The following PPP3CA variants were observed in gnomAD, a reference collection of about 807,000 sequenced individuals.
PPP3CA encodes protein phosphatase 3 catalytic subunit alpha.
A neutral mutation model predicts 66.5 loss-of-function variants in PPP3CA; 14 were observed. The ratio of observed to expected loss-of-function variants is 0.21; its 90% CI spans 0.14 to 0.33. PPP3CA has a LOEUF of 0.33. Ranked by LOEUF, PPP3CA falls within the 10% of genes least tolerant of loss-of-function variation. The pLI, the probability that PPP3CA is intolerant of heterozygous loss-of-function variation, is 1.00. For synonymous variants in PPP3CA, 232 were observed against 226.2 expected (o/e 1.03, Z -0.23); for missense variants, 317 against 639.5 (o/e 0.50, Z 5.44).
At chr4:101,121,525 G>C (rs1722030156) in intron 2 of PPP3CA, among the ~76,000 whole-genome samples, 1 of 151,920 alleles carries the variant, frequency 6.6e-6, no homozygotes, top group Non-Finnish European at 1.5e-5. Flanking sequence ...TTTCCCTACA[G>C]TTATATTGTA....
chr4:101,028,636 A>G (rs1726778825), intron 13 of PPP3CA, among the ~76,000 whole-genome samples: 1 of 152,230 alleles, frequency 6.6e-6, no homozygotes, highest in Non-Finnish European at 1.5e-5. Flanking sequence ...TAAGATTACC[A>G]GAACTGTTCA....
chr4:101,275,488 T>C (rs918227886), intron 1 of PPP3CA, among the ~76,000 whole-genome samples: 2 of 152,176 alleles, frequency 1.3e-5, no homozygotes, highest in Non-Finnish European at 2.9e-5. Context: ...GCATAAAAGA[T>C]ATAAGGCTAG....
intron 7 of PPP3CA, among the ~76,000 whole-genome samples, chr4:101,080,922 T>A (rs552798775): frequency 3.3e-5 from 5 of 152,242 alleles, no homozygotes; most frequent in African/African-American, 2.4e-5. Context: ...TTCATTTCCA[T>A]GTGTTCAACA....
chr4:101,093,804 T>C lies in PPP3CA; in HGVS notation c.754A>G (p.Thr252Ala). The change falls in exon 6 of 14, where the codon ACA becomes GCA. Residue 252 changes from threonine (T) to alanine (A), a missense_variant. This residue lies in a region of PPP3CA where 201 missense variants were observed against 501.4 expected (regional missense o/e 0.40). Coordinates refer to ENST00000394854, the MANE Select transcript of PPP3CA (RefSeq NM_000944.5). ...TAGAAGTATGAACACCCCCTGACTG[T>C]GTTGTGAGTGAAATGTTCCTGAGTC... ...EKTQEHFTHN[T>A]VRGCSYFYSY... The C allele has an allele frequency of 6.2e-7, 1 of 1,613,168 alleles. No homozygotes were observed. The highest frequency in any genetic ancestry group is 8.5e-7 in the Non-Finnish European group (1 of 1,179,444).
intron 1 of PPP3CA, among the ~76,000 whole-genome samples, chr4:101,346,401 G>A (rs1314204127): frequency 1.3e-5 from 2 of 151,880 alleles, no homozygotes; most frequent in Non-Finnish European, 2.9e-5. Context: ...TCCTATTTCT[G>A]TCACAGCAGC....
At chr4:101,226,927 A>G (rs944800129) in intron 1 of PPP3CA, among the ~76,000 whole-genome samples, 2 of 151,668 alleles carry the variant, frequency 1.3e-5, no homozygotes, top group Non-Finnish European at 3.0e-5. Flanking sequence ...TCCATGGTTC[A>G]GGATAATTAT....
intron 1 of PPP3CA, among the ~76,000 whole-genome samples, chr4:101,279,310 G>T (rs1727607867): frequency 6.6e-6 from 1 of 152,162 alleles, no homozygotes. Context: ...AAACAAGTTT[G>T]GGGTAGCTTA....
intron 6 of PPP3CA, among the ~76,000 whole-genome samples, chr4:101,093,176 G>A (rs1367399285): frequency 6.6e-6 from 1 of 152,118 alleles, no homozygotes; most frequent in Non-Finnish European, 1.5e-5. Context: ...TCTTATTGTG[G>A]TTTTGATTTG....
intron 2 of PPP3CA, among the ~76,000 whole-genome samples, chr4:101,190,676 T>C (rs1027408947): frequency 6.6e-6 from 1 of 152,232 alleles, no homozygotes; most frequent in East Asian, 1.9e-4. Context: ...CAACTTTCTA[T>C]AGTAAACTCC....
At chr4:101,242,439 C>CAAGTCCTAAGTCCTA (rs1726340810) in intron 1 of PPP3CA, among the ~76,000 whole-genome samples, 1 of 151,720 alleles carries the variant, frequency 6.6e-6, no homozygotes. Flanking sequence ...TAAGGAGAAA[C>CAAGTCCTAAGTCCTA]AGGAAGGGTC....
intron 2 of PPP3CA, among the ~76,000 whole-genome samples, chr4:101,182,941 C>T (rs547777611): frequency 1.1e-4 from 17 of 152,206 alleles, no homozygotes; most frequent in Admixed American, 5.9e-4. Flanking sequence ...CTTTCCACCA[C>T]GATTGTGAGG....
chr4:101,108,758 G>A (rs529523837), intron 3 of PPP3CA, among the ~76,000 whole-genome samples, 196 bp downstream of exon 3: 39 of 152,324 alleles, frequency 2.6e-4, no homozygotes, highest in African/African-American at 9.4e-4. Flanking sequence ...GACAGAGTGA[G>A]ACTCCGTCTC....
intron 2 of PPP3CA, among the ~76,000 whole-genome samples, chr4:101,153,223 A>C (rs1723200667): frequency 6.6e-6 from 1 of 152,118 alleles, no homozygotes; most frequent in Non-Finnish European, 1.5e-5. Context: ...TATGTGCAGA[A>C]ACTCTGTGTG....
intron 9 of PPP3CA, 56 bp downstream of exon 9, chr4:101,063,176 C>CGGAG (rs1352786404): frequency 2.5e-6 from 4 of 1,573,198 alleles, no homozygotes; most frequent in Non-Finnish European, 3.5e-6. Context: ...GTTTAATCTC[C>CGGAG]TTTCCTTCCT....
At chr4:101,165,234 T>C (rs184831495) in intron 2 of PPP3CA, among the ~76,000 whole-genome samples, 1 of 152,322 alleles carries the variant, frequency 6.6e-6, no homozygotes, top group Non-Finnish European at 1.5e-5. Flanking sequence ...ATGTAAGGGA[T>C]ACTGCACATG....
chr4:101,090,674 T>A (rs1729878783), intron 6 of PPP3CA, among the ~76,000 whole-genome samples: 1 of 148,172 alleles, frequency 6.7e-6, no homozygotes, highest in South Asian at 2.1e-4. Flanking sequence ...GGATGTTTAA[T>A]GAGACGAAAT....
chr4:101,029,347 TAAAAAAAAAAA>T, intron 12 of PPP3CA, 152 bp from the exon 13 acceptor site: 1 of 74,376 alleles, frequency 1.3e-5, no homozygotes, highest in Non-Finnish European at 2.2e-5. Context: ...ACAGAAATGC[TAAAAAAAAAAA>T]AAAAAAAAAA....
intron 2 of PPP3CA, among the ~76,000 whole-genome samples, chr4:101,132,211 ACAAATT>A (rs1722466132): frequency 6.6e-6 from 1 of 152,210 alleles, no homozygotes; most frequent in South Asian, 2.1e-4. Flanking sequence ...GCAAGAGCAA[ACAAATT>A]CAAAAGCTAG....
chr4:101,026,058 A>C lies in PPP3CA; in HGVS notation c.1373T>G (p.Ile458Ser). Residue 458 changes from isoleucine to serine, a missense_variant, in exon 14 of 14, where the codon ATC becomes AGC. Physicochemically the swap from Ile to Ser is moderately radical, Grantham distance 142. Coordinates refer to ENST00000394854, the MANE Select transcript of PPP3CA (RefSeq NM_000944.5). Reference sequence around the variant, plus strand: ...CTTATGTTGTGGTGAAAATCCTTTGATAGCTAAACAGAAAATCATTAAAAA... The same window carrying C: ...CTTATGTTGTGGTGAAAATCCTTTGCTAGCTAAACAGAAAATCATTAAAAA... ...TVEAIEADEA[I>S]KGFSPQHKIT... 6.3e-7 allele frequency: 1 copy of C among 1,584,516 alleles called. No homozygotes were observed. The highest frequency in any genetic ancestry group is 8.6e-7 in the Non-Finnish European group (1 of 1,167,042).
Sources: gnomAD v4.1 joint callset for allele counts (sites outside exome capture counted in the v4.1 genomes callset) on GRCh38, gnomAD v4.1.1 for gene constraint, gnomAD v4.1.1 regional missense constraint, MANE v1.5 for transcripts, NCBI Gene and HGNC (gene_info 2026-07-23, HGNC 2026-07-21) for gene names.